The following KIAA0825 variants were observed in gnomAD, a reference collection of about 807,000 sequenced individuals.
The protein encoded by KIAA0825 is uncharacterized protein KIAA0825.
A neutral mutation model predicts 147.6 loss-of-function variants in KIAA0825; 119 were observed. That is an observed-to-expected ratio of 0.81 (90% CI 0.69 to 0.94). KIAA0825 has a LOEUF of 0.94. Among genes scored for constraint, KIAA0825 ranks in the 40% least tolerant of loss-of-function variants. The probability of loss-of-function intolerance (pLI) is 0.00; values close to 1 mark genes in which losing one functional copy is unlikely to be tolerated. For synonymous variants in KIAA0825, 470 were observed against 518.1 expected (o/e 0.91, Z 1.26); for missense variants, 1,381 against 1,472.7 (o/e 0.94, Z 1.02).
At chr5:94,616,668 T>C (rs1443844745) in intron 1 of KIAA0825, among the ~76,000 whole-genome samples, 1 of 152,204 alleles carries the variant, frequency 6.6e-6, no homozygotes, top group African/African-American at 2.4e-5. Context: ...TCTTCTGCAT[T>C]TGCCCCAAGT....
At chr5:94,346,942 C>G (rs1000961261) in intron 20 of KIAA0825, among the ~76,000 whole-genome samples, 1 of 152,058 alleles carries the variant, frequency 6.6e-6, no homozygotes, top group African/African-American at 2.4e-5. Flanking sequence ...ATGACTCTGC[C>G]TGGAAAAGGT....
intron 13 of KIAA0825, among the ~76,000 whole-genome samples, chr5:94,440,401 C>T (rs1276985001): frequency 6.6e-6 from 1 of 152,120 alleles, no homozygotes; most frequent in Non-Finnish European, 1.5e-5. Context: ...GTTTTTGTTT[C>T]ACGGAGAGAA....
At chr5:94,303,014 C>G (rs1272392007) in intron 20 of KIAA0825, among the ~76,000 whole-genome samples, 1 of 151,980 alleles carries the variant, frequency 6.6e-6, no homozygotes, top group Admixed American at 6.6e-5. Context: ...CACTTCAACA[C>G]TAGACACATT....
chr5:94,162,642 A>G (rs769005402), intron 20 of KIAA0825, among the ~76,000 whole-genome samples: 14 of 152,192 alleles, frequency 9.2e-5, no homozygotes, highest in Non-Finnish European at 1.8e-4. Context: ...TTGGCTCTCC[A>G]TGATTCAGAG....
intron 5 of KIAA0825, among the ~76,000 whole-genome samples, chr5:94,512,892 T>C (rs1056452558): frequency 3.3e-5 from 5 of 152,120 alleles, no homozygotes; most frequent in Non-Finnish European, 7.4e-5. Context: ...CGAGACTCCA[T>C]CTTATAAATA....
intron 20 of KIAA0825, among the ~76,000 whole-genome samples, chr5:94,232,310 AGTT>A (rs574861618): frequency 1.3e-3 from 191 of 152,168 alleles, no homozygotes; most frequent in Non-Finnish European, 2.3e-3. Context: ...GTGTTATTTC[AGTT>A]GTTGGCCTTG....
rs145489101 is a variant in KIAA0825 at position 94,479,041 on chromosome 5, A to T, written c.1133-1836T>A. ...GCCCTTAGTTTCCTCTACTGTTAAC[A>T]TCTTGCAATATATGGTATATTTGTT... On this transcript the variant is annotated intron_variant, in intron 6 of 20. Transcript: ENST00000682413. Among the ~76,000 whole-genome samples the T allele has an allele frequency of 7.7e-3, 1,171 of 152,272 alleles. 4 individuals carry two copies. The highest frequency in any genetic ancestry group is 0.017 in the Middle Eastern group (5 of 294).
intron 20 of KIAA0825, among the ~76,000 whole-genome samples, chr5:94,312,371 T>C (rs1050034506): frequency 3.3e-5 from 5 of 151,554 alleles, no homozygotes; most frequent in Admixed American, 1.3e-4. Context: ...TAGAAACGAG[T>C]ATTATTCCTT....
chr5:94,522,795 C>G (rs879513190), intron 4 of KIAA0825, among the ~76,000 whole-genome samples: 3 of 151,614 alleles, frequency 2.0e-5, no homozygotes, highest in Admixed American at 2.0e-4. Context: ...TTGAGCAAAA[C>G]TAAGGCGGCC....
intron 3 of KIAA0825, among the ~76,000 whole-genome samples, chr5:94,530,881 T>C (rs1770660736): frequency 6.6e-6 from 1 of 152,208 alleles, no homozygotes; most frequent in South Asian, 2.1e-4. Flanking sequence ...CTCTGGGAAA[T>C]AGTAGTCCAA....
intron 16 of KIAA0825, among the ~76,000 whole-genome samples, chr5:94,402,359 C>A (rs938595367): frequency 1.3e-5 from 2 of 152,006 alleles, no homozygotes. Flanking sequence ...TACTGAATTG[C>A]TCAAAACATA....
At chr5:94,354,809 G>A (rs1211089304) in intron 20 of KIAA0825, among the ~76,000 whole-genome samples, 3 of 152,178 alleles carry the variant, frequency 2.0e-5, no homozygotes, top group Non-Finnish European at 2.9e-5. Context: ...TCAACGAAAA[G>A]AGTCAAACTC....
intron 20 of KIAA0825, among the ~76,000 whole-genome samples, chr5:94,264,933 C>G (rs1776673751): frequency 6.6e-6 from 1 of 151,972 alleles, no homozygotes; most frequent in Non-Finnish European, 1.5e-5. Context: ...CAGGCGCGTA[C>G]CACCATGCCT....
chr5:94,189,653 C>T (rs1182147984), intron 20 of KIAA0825, among the ~76,000 whole-genome samples: 2 of 152,052 alleles, frequency 1.3e-5, no homozygotes, highest in African/African-American at 4.8e-5. Flanking sequence ...ATTCTTTAGT[C>T]AGTTCTACAC....
intron 2 of KIAA0825, 55 bp from the exon 3 acceptor site, chr5:94,537,182 AT>A (rs1216338311): frequency 1.4e-6 from 2 of 1,436,388 alleles, no homozygotes; most frequent in Non-Finnish European, 1.9e-6. Context: ...ATGGCCAGGG[AT>A]AGGGGTGGGC....
chr5:94,605,057 A>G (rs1232791495), intron 1 of KIAA0825, among the ~76,000 whole-genome samples: 1 of 152,094 alleles, frequency 6.6e-6, no homozygotes, highest in African/African-American at 2.4e-5. Context: ...GAAATAACAA[A>G]CACAATCAGG....
At chr5:94,380,099 C>T (rs1174826248) in intron 20 of KIAA0825, among the ~76,000 whole-genome samples, 2 of 151,914 alleles carry the variant, frequency 1.3e-5, no homozygotes, top group South Asian at 2.1e-4. Context: ...ATGATCCACC[C>T]GCCTCAGCCT....
chr5:94,528,965 G>A (rs1172151779), intron 3 of KIAA0825, among the ~76,000 whole-genome samples: 7 of 151,228 alleles, frequency 4.6e-5, no homozygotes, highest in South Asian at 2.1e-4. Context: ...TGGAGAAAGA[G>A]ACAGTTAAAA....
At chr5:94,400,539 T>C (rs1751240130) in intron 16 of KIAA0825, among the ~76,000 whole-genome samples, 1 of 152,134 alleles carries the variant, frequency 6.6e-6, no homozygotes, top group Admixed American at 6.6e-5. Context: ...CTCTCTAGAA[T>C]TCATTGTTTC....
Sources: gnomAD v4.1 joint callset for allele counts (sites outside exome capture counted in the v4.1 genomes callset) on GRCh38, gnomAD v4.1.1 for gene constraint, MANE v1.5 for transcripts, NCBI Gene and HGNC (gene_info 2026-07-23, HGNC 2026-07-21) for gene names.